PTPRK: variants seen among roughly 807,000 people sequenced by gnomAD.
PTPRK encodes receptor-type tyrosine-protein phosphatase kappa.
Under a neutral mutation model 178.0 loss-of-function variants are expected in PTPRK, and 75 were observed. The observed-to-expected ratio is 0.42, with a 90% CI of 0.35 to 0.51. The LOEUF (loss-of-function observed/expected upper bound fraction) is 0.51. Among genes scored for constraint, PTPRK ranks in the 20% least tolerant of loss-of-function variants. PTPRK has a pLI of 0.02. For synonymous variants in PTPRK, 637 were observed against 620.6 expected, an observed-to-expected ratio of 1.03 and a Z score of -0.39; for missense variants, 1,441 against 1,797.8, an observed-to-expected ratio of 0.80 and a Z score of 3.59.
intron 11 of PTPRK, among the ~76,000 whole-genome samples, chr6:128,068,515 G>A (rs1238266493): frequency 2.0e-5 from 3 of 152,010 alleles, no homozygotes; most frequent in Non-Finnish European, 4.4e-5. Flanking sequence ...ATATCTTTAA[G>A]TCTTAAAACT....
At chr6:128,300,795 G>T (rs1291012849) in intron 3 of PTPRK, among the ~76,000 whole-genome samples, 1 of 151,830 alleles carries the variant, frequency 6.6e-6, no homozygotes, top group South Asian at 2.1e-4. Context: ...CACCAGCATG[G>T]CACATGTATA....
At chr6:128,498,109 T>G (rs1584978179) in intron 1 of PTPRK, among the ~76,000 whole-genome samples, 1 of 152,212 alleles carries the variant, frequency 6.6e-6, no homozygotes, top group African/African-American at 2.4e-5. Flanking sequence ...CCCCTGAAAC[T>G]GTAGTCATCC....
chr6:128,379,349 T>C lies in PTPRK; in HGVS notation c.223+18217A>G, dbSNP rs1292766544. On this transcript the variant is annotated intron_variant, in intron 2 of 29. Coordinates refer to ENST00000368226, the MANE Select transcript of PTPRK (RefSeq NM_002844.4). ...TGAGATATTGACTAGTAAAATGACA[T>C]GGAATAATTAAAGATCCAAGTATCA... Among the ~76,000 whole-genome samples, 5 of 152,146 alleles carry C rather than the reference T, an allele frequency of 3.3e-5. No individual in the cohort carries two copies. In the East Asian group the frequency reaches 9.6e-4, roughly 29 times the overall value.
At position 128,085,536 on chromosome 6, in the gene PTPRK, A is replaced by T. The variant is rs556242797; in HGVS notation, c.1466-1712T>A. ...ATGTTGATTTGATGGCATTGTAATT[A>T]TAATAACTGCCTATGTTTACCTAAC... is the stretch of plus-strand genomic sequence containing the variant. On this transcript the variant is annotated intron_variant, in intron 8 of 29. Coordinates refer to ENST00000368226, the MANE Select transcript of PTPRK (RefSeq NM_002844.4). 4.6e-5 allele frequency among the ~76,000 whole-genome samples: 7 copies of T among 152,370 alleles called. No homozygotes were observed. In the South Asian group the frequency reaches 1.5e-3, roughly 32 times the overall value.
intron 3 of PTPRK, among the ~76,000 whole-genome samples, chr6:128,245,659 G>C (rs1271093395): frequency 6.6e-6 from 1 of 152,140 alleles, no homozygotes; most frequent in Admixed American, 6.6e-5. Context: ...ATGATGGAAG[G>C]GTGGCCATCT....
At chr6:128,328,088 G>T (rs983391598) in intron 2 of PTPRK, among the ~76,000 whole-genome samples, 2 of 152,190 alleles carry the variant, frequency 1.3e-5, no homozygotes, top group Non-Finnish European at 2.9e-5. Flanking sequence ...CATGCACACA[G>T]CTCCGTCCAC....
intron 25 of PTPRK, among the ~76,000 whole-genome samples, chr6:127,977,793 A>G (rs1455975196): frequency 6.6e-6 from 1 of 152,252 alleles, no homozygotes; most frequent in Non-Finnish European, 1.5e-5. Context: ...CTCCTTGATT[A>G]GAACACAATA....
chr6:128,370,916 T>C (rs1836183583), intron 2 of PTPRK, among the ~76,000 whole-genome samples: 1 of 152,166 alleles, frequency 6.6e-6, no homozygotes, highest in South Asian at 2.1e-4. Flanking sequence ...TCCCTTTTTG[T>C]CCTTTGTTAA....
intron 13 of PTPRK, among the ~76,000 whole-genome samples, chr6:128,016,497 T>C (rs1779609137): frequency 6.6e-6 from 1 of 151,938 alleles, no homozygotes; most frequent in African/African-American, 2.4e-5. Context: ...CAGAGAGATC[T>C]TCCTGTTTTT....
At chr6:127,971,739 AG>A (rs1773924893) in intron 29 of PTPRK, among the ~76,000 whole-genome samples, 1 of 152,152 alleles carries the variant, frequency 6.6e-6, no homozygotes, top group Non-Finnish European at 1.5e-5. Context: ...TAATTAAAAA[AG>A]GTGGGAAATC....
chr6:128,371,289 C>T (rs138783580), intron 2 of PTPRK, among the ~76,000 whole-genome samples: 96 of 152,100 alleles, frequency 6.3e-4, no homozygotes, highest in African/African-American at 1.9e-3. Flanking sequence ...ATAAAACAAA[C>T]GGCTACTTCA....
chr6:127,976,681 A>T lies in PTPRK; in HGVS notation c.3945T>A (p.Ile1315=). ...CSMDCDVINR[I]FRICNLTRPQ... ...CTCTTGTTAGATTGCATATCCTAAA[A>T]ATCCGGTTGATCACATCACAGTCCA... is the stretch of plus-strand genomic sequence containing the variant. Residue 1315 remains isoleucine (I), a synonymous_variant, in exon 27 of 30, where the codon ATT becomes ATA. Coordinates refer to ENST00000368226, the MANE Select transcript of PTPRK (RefSeq NM_002844.4). 6.2e-7 allele frequency: 1 copy of T among 1,614,076 alleles called. No individual in the cohort carries two copies. Among genetic ancestry groups the T allele is most frequent in the East Asian group, 2.2e-5 (1 of 44,860 alleles).
At chr6:128,330,894 A>G (rs1270144701) in intron 2 of PTPRK, among the ~76,000 whole-genome samples, 1 of 151,644 alleles carries the variant, frequency 6.6e-6, no homozygotes, top group Non-Finnish European at 1.5e-5. Flanking sequence ...ACAAAACAAA[A>G]CAAAACAAAA....
chr6:128,335,118 G>C (rs987235127), intron 2 of PTPRK, among the ~76,000 whole-genome samples: 7 of 151,890 alleles, frequency 4.6e-5, no homozygotes, highest in African/African-American at 1.7e-4. Context: ...CAAAAGAAAT[G>C]GTTAAGAATT....
intron 3 of PTPRK, among the ~76,000 whole-genome samples, chr6:128,285,052 C>G (rs1583899275): frequency 6.6e-6 from 1 of 152,166 alleles, no homozygotes; most frequent in East Asian, 1.9e-4. Flanking sequence ...TACCAATACT[C>G]TCCTATACAT....
At chr6:128,402,607 G>A (rs527259663) in intron 1 of PTPRK, among the ~76,000 whole-genome samples, 1 of 152,246 alleles carries the variant, frequency 6.6e-6, no homozygotes, top group Non-Finnish European at 1.5e-5. Context: ...ACTGGGATAT[G>A]CGAATCATTT....
intron 2 of PTPRK, among the ~76,000 whole-genome samples, chr6:128,378,964 T>C (rs951606592): frequency 6.6e-6 from 1 of 152,118 alleles, no homozygotes; most frequent in Non-Finnish European, 1.5e-5. Flanking sequence ...GATTAAACTT[T>C]AAGAAGCTAT....
chr6:128,281,518 T>C (rs1379747748), intron 3 of PTPRK, among the ~76,000 whole-genome samples: 2 of 152,138 alleles, frequency 1.3e-5, no homozygotes, highest in Non-Finnish European at 2.9e-5. Context: ...TGTTTCACTT[T>C]TATCACCCTA....
chr6:128,456,172 T>C (rs923637104), intron 1 of PTPRK, among the ~76,000 whole-genome samples: 1 of 152,060 alleles, frequency 6.6e-6, no homozygotes, highest in African/African-American at 2.4e-5. Flanking sequence ...AAATCTGCCC[T>C]GACAAACTCT....
Sources: gnomAD v4.1 joint callset for allele counts (sites outside exome capture counted in the v4.1 genomes callset) on GRCh38, gnomAD v4.1.1 for gene constraint, MANE v1.5 for transcripts, NCBI Gene and HGNC (gene_info 2026-07-23, HGNC 2026-07-21) for gene names.